Variants in NFS1 observed in about 807,000 individuals in gnomAD.
The protein encoded by NFS1 is NFS1 cysteine desulfurase.
A neutral mutation model predicts 57.3 loss-of-function variants in NFS1; 26 were observed. That is an observed-to-expected ratio of 0.45 (90% confidence interval 0.33 to 0.63). The LOEUF is 0.63. Among genes scored for constraint, NFS1 ranks in the 20% least tolerant of loss-of-function variants. The probability of loss-of-function intolerance (pLI) is 0.02; values close to 1 mark genes in which losing one functional copy is unlikely to be tolerated. For synonymous variants in NFS1, 209 were observed against 216.3 expected (o/e 0.97, Z 0.30); for missense variants, 505 against 605.8 (o/e 0.83, Z 1.75).
At chr20:35,682,461 T>G (rs1020483293) in intron 5 of NFS1, among the ~76,000 whole-genome samples, 5 of 152,150 alleles carry the variant, frequency 3.3e-5, no homozygotes, top group Non-Finnish European at 7.3e-5. Context: ...CACGCAGCAG[T>G]GAATGAATTC....
chr20:35,695,253 T>C (rs868226085), intron 4 of NFS1, among the ~76,000 whole-genome samples: 6 of 152,328 alleles, frequency 3.9e-5, no homozygotes, highest in Admixed American at 6.5e-5. Context: ...GAAGGATGCC[T>C]TCCTGTTAAC....
chr20:35,672,098 C>G (rs1485355286), intron 12 of NFS1, among the ~76,000 whole-genome samples: 1 of 151,882 alleles, frequency 6.6e-6, no homozygotes. Flanking sequence ...GCTGGGACTA[C>G]AGGTGCCCGC....
intron 12 of NFS1, among the ~76,000 whole-genome samples, chr20:35,671,390 C>T (rs1450617390): frequency 6.6e-6 from 1 of 152,136 alleles, no homozygotes; most frequent in Non-Finnish European, 1.5e-5. Flanking sequence ...CGTGAGCCAC[C>T]GTGCCCAGCC....
At chr20:35,679,302 G>C (rs999796286) in intron 7 of NFS1, among the ~76,000 whole-genome samples, 1 of 152,100 alleles carries the variant, frequency 6.6e-6, no homozygotes, top group Non-Finnish European at 1.5e-5. Flanking sequence ...TCCTGCCTCA[G>C]TCTCCTGAGT....
At chr20:35,676,672 G>A (rs34981979) in intron 7 of NFS1, among the ~76,000 whole-genome samples, 2,392 of 146,358 alleles carry the variant, frequency 0.016, 38 homozygotes, top group Non-Finnish European at 0.026. Flanking sequence ...AAGAAAGCTG[G>A]AGGAGAAGTA....
chr20:35,680,666 A>C, intron 7 of NFS1, 71 bp downstream of exon 7: 1 of 1,311,706 alleles, frequency 7.6e-7, no homozygotes, highest in Non-Finnish European at 1.0e-6. Flanking sequence ...GTCCCAAATG[A>C]CTGTGACAAA....
At chr20:35,690,344 A>G (rs2035021037) in intron 5 of NFS1, 69 bp downstream of exon 5, 1 of 1,502,136 alleles carries the variant, frequency 6.7e-7, no homozygotes, top group African/African-American at 1.4e-5. Flanking sequence ...GCTAGGGCCC[A>G]AGAGAGAAAT....
intron 4 of NFS1, chr20:35,692,460 G>C (rs1444084915): frequency 6.8e-6 from 1 of 147,734 alleles, no homozygotes; most frequent in Non-Finnish European, 1.4e-5. Context: ...ACCACTTTGG[G>C]AGACTAAGGC....
At chr20:35,689,017 C>A (rs2146431622) in intron 5 of NFS1, among the ~76,000 whole-genome samples, 1 of 152,230 alleles carries the variant, frequency 6.6e-6, no homozygotes, top group East Asian at 1.9e-4. Context: ...ATGCTGATAT[C>A]CAAAATCTGG....
intron 11 of NFS1, 56 bp from the exon 12 acceptor site, chr20:35,672,900 T>C: frequency 7.8e-6 from 8 of 1,020,352 alleles, no homozygotes; most frequent in Non-Finnish European, 1.2e-5. Flanking sequence ...CTGGGATAAA[T>C]TCATTCCGCA....
Position 35,696,422 on chromosome 20 carries a change from G to C in NFS1, c.363C>G (p.Ile121Met). The change falls in exon 4 of 13, where the codon ATC becomes ATG. Residue 121 changes from isoleucine to methionine, a missense_variant. Transcript: ENST00000374092. Reference protein sequence around the residue: ...ASLIGADPREIIFTSGATESN... With the variant: ...ASLIGADPREMIFTSGATESN... ...ATTCAGTAGCACCACTAGTAAAAATGATCTCACGAGGATCAGCTCCAATCA... is the reference window on the plus strand; with the variant it reads ...ATTCAGTAGCACCACTAGTAAAAATCATCTCACGAGGATCAGCTCCAATCA... 1 of 1,613,998 alleles carries C rather than the reference G, an allele frequency of 6.2e-7. No homozygotes were observed. Among genetic ancestry groups the C allele is most frequent in the Middle Eastern group, 1.6e-4 (1 of 6,062 alleles).
intron 7 of NFS1, among the ~76,000 whole-genome samples, chr20:35,680,277 C>A (rs1456906290): frequency 6.6e-6 from 1 of 152,036 alleles, no homozygotes; most frequent in Non-Finnish European, 1.5e-5. Context: ...TGCACTCCAG[C>A]CTGGGCGACT....
chr20:35,690,091 C>G (rs2035017492), intron 5 of NFS1, among the ~76,000 whole-genome samples: 1 of 151,842 alleles, frequency 6.6e-6, no homozygotes, highest in African/African-American at 2.4e-5. Context: ...AAGAGCCAAA[C>G]TCTGTCTCAA....
At chr20:35,673,362 G>A (rs1023231175) in intron 11 of NFS1, among the ~76,000 whole-genome samples, 5 of 151,746 alleles carry the variant, frequency 3.3e-5, no homozygotes, top group East Asian at 3.9e-4. Flanking sequence ...CTCCTCCTCC[G>A]GACCTAGTGA....
At chr20:35,687,125 C>T (rs2034958577) in intron 5 of NFS1, among the ~76,000 whole-genome samples, 1 of 152,170 alleles carries the variant, frequency 6.6e-6, no homozygotes, top group Non-Finnish European at 1.5e-5. Flanking sequence ...AGGAAAAACA[C>T]CCACTACTTA....
chr20:35,690,940 C>A (rs868783821), intron 4 of NFS1, among the ~76,000 whole-genome samples: 1 of 152,114 alleles, frequency 6.6e-6, no homozygotes, highest in South Asian at 2.1e-4. Context: ...ACCAGTGAAT[C>A]CTAATATAAG....
chr20:35,670,620 G>A (rs556897352), intron 12 of NFS1, among the ~76,000 whole-genome samples: 1 of 152,182 alleles, frequency 6.6e-6, no homozygotes, highest in East Asian at 1.9e-4. Flanking sequence ...TATTATTATA[G>A]GCTCACAAAA....
At chr20:35,688,135 G>A (rs1298348043) in intron 5 of NFS1, among the ~76,000 whole-genome samples, 1 of 152,042 alleles carries the variant, frequency 6.6e-6, no homozygotes, top group East Asian at 1.9e-4. Context: ...TGTAATCTCG[G>A]CTACTTGAGA....
At chr20:35,683,077 C>CA (rs558594035) in intron 5 of NFS1, among the ~76,000 whole-genome samples, 60 of 151,120 alleles carry the variant, frequency 4.0e-4, no homozygotes, top group Middle Eastern at 3.4e-3. Flanking sequence ...GATTCCATCT[C>CA]AAAAAACAAA....
Sources: gnomAD v4.1 joint callset for allele counts (sites outside exome capture counted in the v4.1 genomes callset) on GRCh38, gnomAD v4.1.1 for gene constraint, MANE v1.5 for transcripts, NCBI Gene and HGNC (gene_info 2026-07-23, HGNC 2026-07-21) for gene names.